The following DBF4B variants were observed in gnomAD, a reference collection of about 807,000 sequenced individuals.
The protein encoded by DBF4B is DBF4B-CDC7 kinase regulatory subunit, also known as protein DBF4 homolog B.
DBF4B carries 49 observed loss-of-function variants against 53.4 expected under a neutral mutation model. The observed-to-expected ratio is 0.92, with a 90% CI of 0.73 to 1.16. The LOEUF is 1.16. Among genes scored for constraint, DBF4B ranks in the 50% most tolerant of loss-of-function variants. DBF4B has a pLI of 0.00. For synonymous variants in DBF4B, 257 were observed against 288.7 expected (o/e 0.89, Z 1.11); for missense variants, 692 against 775.0 (o/e 0.89, Z 1.27).
rs892745490 is a variant in DBF4B at position 44,749,847 on chromosome 17, C to T, written c.1190-748C>T. ...GCCTCCTTTCTCACGAGCATGTGGC[C>T]GCTCCTGCTTTCCAAAATGACTGTG... On this transcript the variant is annotated intron_variant, in intron 13 of 13. Transcript: ENST00000315005. This position sits in a 1 kb window ranked among gnomAD's most constrained non-coding sequence, Gnocchi z 4.4. 17 of 1,031,880 alleles carry T rather than the reference C, an allele frequency of 1.6e-5. No individual in the cohort carries two copies. Among genetic ancestry groups the T allele is most frequent in the African/African-American group, 6.8e-5 (4 of 59,128 alleles). 63.9% of individuals were successfully genotyped at this position (1,031,880 alleles called of 1,614,324 possible).
At chr17:44,740,867 G>A (rs1414116520) in intron 9 of DBF4B, among the ~76,000 whole-genome samples, 1 of 152,192 alleles carries the variant, frequency 6.6e-6, no homozygotes, top group African/African-American at 2.4e-5. Flanking sequence ...CGGGCGTGGT[G>A]GCTCACGCCT....
rs1974491604 is a variant in DBF4B, at chr17:44,727,844, C to A, written c.226-2061C>A. On this transcript the variant is annotated intron_variant, in intron 3 of 13. Transcript: ENST00000315005. ...TCCAGAGTAGCTGGGTTTACAGGTG[C>A]CTGCCACCATGCCCGGGTAATTTTT... 2.0e-5 allele frequency among the ~76,000 whole-genome samples: 3 copies of A among 151,018 alleles called. No homozygotes were observed. The South Asian group carries it at 6.3e-4, about 32-fold the overall frequency.
chr17:44,730,893 G>T, intron 4 of DBF4B, 72 bp from the exon 5 acceptor site: 1 of 1,519,726 alleles, frequency 6.6e-7, no homozygotes, highest in East Asian at 2.3e-5. Flanking sequence ...CCCCTCACCA[G>T]CTCCTGTGTA....
intron 4 of DBF4B, among the ~76,000 whole-genome samples, chr17:44,730,489 G>C (rs976524659): frequency 6.6e-6 from 1 of 152,158 alleles, no homozygotes; most frequent in Admixed American, 6.5e-5. Context: ...TTATGTCTTT[G>C]ATTTAAAATG....
At chr17:44,722,157 A>T (rs1276418823) in intron 2 of DBF4B, among the ~76,000 whole-genome samples, 2 of 147,804 alleles carry the variant, frequency 1.4e-5, no homozygotes, top group African/African-American at 4.9e-5. Flanking sequence ...AAAAAAAGGA[A>T]ACGACCCCAC....
In DBF4B at chr17:44,751,780, A is replaced by C. The variant is rs527523039; in HGVS notation, c.*527A>C. 6.7e-7 allele frequency: 1 copy of C among 1,501,820 alleles called. No homozygotes were observed. The highest frequency in any genetic ancestry group is 2.1e-5 in the Admixed American group (1 of 48,272). The allele number at this position is 1,501,820 out of a possible 1,614,324, so 93.0% of individuals were successfully genotyped here. ...CATTCCACTAAGATCATCTATTCCA[A>C]GGTCATGGACAGGCTACTGGTGACC... On this transcript the variant is annotated 3_prime_UTR_variant, in exon 14 of 14. Coordinates refer to ENST00000315005, the MANE Select transcript of DBF4B (RefSeq NM_145663.3).
rs772905795 is a variant in DBF4B at position 44,750,599 on chromosome 17, C to T, written c.1194C>T (p.Thr398=). The T allele has an allele frequency of 2.3e-5, 37 of 1,608,620 alleles. No individual in the cohort carries two copies. The highest frequency in any genetic ancestry group is 3.1e-5 in the Non-Finnish European group (36 of 1,176,592). Residue 398 remains threonine, a synonymous_variant, in exon 14 of 14, where the codon ACC becomes ACT. Coordinates refer to ENST00000315005, the MANE Select transcript of DBF4B (RefSeq NM_145663.3). ...GGTCCTTGATCTGCCCTCCAGTGAC[C>T]CAAGGCAGGGCTGCGGGCCAGCAGC... ...RKEDSCQASV[T]QGRAAGQQRW...
intron 10 of DBF4B, among the ~76,000 whole-genome samples, chr17:44,746,763 G>C (rs2049102304): frequency 6.6e-6 from 1 of 151,102 alleles, no homozygotes; most frequent in Non-Finnish European, 1.5e-5. Flanking sequence ...AGATTGCAGT[G>C]AGCCAAGATC....
At chr17:44,731,235 T>C in intron 5 of DBF4B, 2 of 508,800 alleles carry the variant, frequency 3.9e-6, no homozygotes, top group South Asian at 4.0e-5. Context: ...CACCTCCAAC[T>C]CTGGAGCCTA....
At chr17:44,734,014 T>A in intron 6 of DBF4B, 76 bp from the exon 7 acceptor site, 3 of 1,288,650 alleles carry the variant, frequency 2.3e-6, no homozygotes, top group Non-Finnish European at 3.4e-6. Flanking sequence ...AGTTTAGTCC[T>A]GCAGCCCAGG....
At chr17:44,750,472 A>G in intron 13 of DBF4B, 123 bp from the exon 14 acceptor site, 6 of 1,468,140 alleles carry the variant, frequency 4.1e-6, no homozygotes, top group Non-Finnish European at 5.4e-6. Context: ...AGGTCATGTT[A>G]CCCCCTTCCT....
intron 5 of DBF4B, 32 bp downstream of exon 5, chr17:44,731,047 G>T (rs894735146): frequency 2.0e-5 from 33 of 1,613,468 alleles, no homozygotes; most frequent in Non-Finnish European, 2.6e-5. Context: ...CAGAGCCGGT[G>T]GTCTCCAGCA....
At chr17:44,732,788 C>T (rs1974959029) in intron 6 of DBF4B, 1 of 152,472 alleles carries the variant, frequency 6.6e-6, no homozygotes, top group Non-Finnish European at 1.5e-5. Context: ...ATCACTTGAA[C>T]CCAGGAGGCA....
chr17:44,712,502 C>G (rs1005772751), intron 2 of DBF4B, among the ~76,000 whole-genome samples: 1 of 151,766 alleles, frequency 6.6e-6, no homozygotes, highest in African/African-American at 2.4e-5. Flanking sequence ...GATGGGGTTT[C>G]ACTGTGTTAG....
At position 44,751,809 on chromosome 17, in the gene DBF4B, G is replaced by A. The variant is rs150591009; in HGVS notation, c.*556G>A. The A allele has an allele frequency of 3.3e-6, 5 of 1,529,298 alleles. No homozygotes were observed. Among genetic ancestry groups the A allele is most frequent in the East Asian group, 2.5e-5 (1 of 40,546 alleles). The allele number at this position is 1,529,298 out of a possible 1,614,324, so 94.7% of individuals were successfully genotyped here. A position where few individuals can be genotyped will look rare whatever the true frequency, so the allele number is the denominator to read the frequency against. ...CATGGACAGGCTACTGGTGACCAAA[G>A]TTGGTTCCTTTTCTCCTTTCTTTCC... is the stretch of plus-strand genomic sequence containing the variant. On this transcript the variant is annotated 3_prime_UTR_variant, in exon 14 of 14. Coordinates refer to ENST00000315005, the MANE Select transcript of DBF4B (RefSeq NM_145663.3).
chr17:44,732,474 G>T (rs147235925), intron 6 of DBF4B: 1 of 572,966 alleles, frequency 1.7e-6, no homozygotes, highest in African/African-American at 1.9e-5. Context: ...TCGGCATCCC[G>T]CAGGAGGTCC....
At chr17:44,714,854 T>C (rs1390130946) in intron 2 of DBF4B, among the ~76,000 whole-genome samples, 1 of 151,966 alleles carries the variant, frequency 6.6e-6, no homozygotes, top group Admixed American at 6.6e-5. Flanking sequence ...CAGCTTATTA[T>C]TATTATTTTT....
chr17:44,722,883 T>C lies in DBF4B; in HGVS notation c.86T>C (p.Val29Ala). ...GCTCCTCTTTATTGTTTTCTAGGAG[T>C]TTCCAGGTGTCTAGGAAAATGCCAG... ...ESRLRAPDLG[V>A]SRCLGKCQKN... The change falls in exon 3 of 14, where the codon GTT becomes GCT. Residue 29 changes from valine (V) to alanine (A), a missense_variant. Coordinates refer to ENST00000315005, the MANE Select transcript of DBF4B (RefSeq NM_145663.3). 6.2e-7 allele frequency: 1 copy of C among 1,613,586 alleles called. No individual in the cohort carries two copies. Among genetic ancestry groups the C allele is most frequent in the Non-Finnish European group, 8.5e-7 (1 of 1,179,872 alleles).
chr17:44,726,170 G>T (rs964339228), intron 3 of DBF4B, among the ~76,000 whole-genome samples: 1 of 151,260 alleles, frequency 6.6e-6, no homozygotes, highest in Non-Finnish European at 1.5e-5. Flanking sequence ...TGTATTTTTA[G>T]TGGAGACGGG....
Sources: allele counts gnomAD v4.1 joint callset (sites outside exome capture counted in the v4.1 genomes callset), GRCh38; gene constraint gnomAD v4.1.1; non-coding constraint Gnocchi (gnomAD v3.1); transcripts MANE v1.5; gene names NCBI Gene and HGNC (gene_info 2026-07-23, HGNC 2026-07-21).